The following SH2D3C variants were observed in gnomAD, a reference collection of about 807,000 sequenced individuals.
The protein encoded by SH2D3C is SH2 domain containing 3C.
SH2D3C carries 25 observed loss-of-function variants against 75.2 expected under a neutral mutation model. That is an observed-to-expected ratio of 0.33 (90% CI 0.24 to 0.46). The LOEUF is 0.46. SH2D3C is among the 20% of genes least tolerant of loss of function. The pLI, the probability that SH2D3C is intolerant of heterozygous loss-of-function variation, is 1.00. For synonymous variants in SH2D3C, 450 were observed against 473.7 expected (o/e 0.95, Z 0.65); for missense variants, 933 against 1,165.3 (o/e 0.80, Z 2.90).
intron 3 of SH2D3C, among the ~76,000 whole-genome samples, chr9:127,753,709 C>A (rs764983338): frequency 2.0e-5 from 3 of 152,222 alleles, no homozygotes; most frequent in Non-Finnish European, 4.4e-5. Context: ...TCATATCACA[C>A]CAAACCCTGG....
At position 127,747,239 on chromosome 9, in the gene SH2D3C, C is replaced by T. The variant is rs374525455; in HGVS notation, c.1172G>A (p.Arg391His). Residue 391 changes from arginine to histidine, a missense_variant, in exon 6 of 12, where the codon CGC (arginine) becomes CAC (histidine). Physicochemically the swap from Arg to His is conservative, Grantham distance 29. Transcript: ENST00000314830. ...CTGGTCCATGCTGAGGGCACAGCTG[C>T]GGATGGAGTCCCGAGGGCGGGGCAG... ...TSLPRPRDSI[R>H]SCALSMDQIP... The T allele has an allele frequency of 1.0e-4, 166 of 1,613,562 alleles. No homozygotes were observed. Among genetic ancestry groups the T allele is most frequent in the Middle Eastern group, 8.3e-4 (5 of 6,002 alleles).
chr9:127,773,891 C>T (rs983152009), intron 2 of SH2D3C, 99 bp downstream of exon 2: 13 of 719,584 alleles, frequency 1.8e-5, no homozygotes, highest in Admixed American at 1.1e-4. Flanking sequence ...GCACTCCAGC[C>T]TGAGAGACAG....
Position 127,754,752 on chromosome 9 carries a change from A to G in SH2D3C, c.556-3452T>C. ...CCGCAAGGGCCAGCGTACCAGGCGG[A>G]GGACCGGCAGGACGCCGGAGACCCC... is the stretch of plus-strand genomic sequence containing the variant. On this transcript the variant is annotated intron_variant, in intron 3 of 11. Coordinates refer to ENST00000314830, the MANE Select transcript of SH2D3C (RefSeq NM_170600.3). This position sits in a 1 kb window ranked among gnomAD's most constrained non-coding sequence, Gnocchi z 4.4. 2.2e-6 allele frequency: 1 copy of G among 462,480 alleles called. No homozygotes were observed. Among genetic ancestry groups the G allele is most frequent in the African/African-American group, 2.0e-5 (1 of 49,834 alleles). 28.6% of individuals were successfully genotyped at this position (462,480 alleles called of 1,614,324 possible).
Position 127,754,923 on chromosome 9 carries a change from T to C in SH2D3C, c.556-3623A>G, listed in dbSNP as rs1845321891. 1 of 517,324 alleles carries C rather than the reference T, an allele frequency of 1.9e-6. No homozygotes were observed. The highest frequency in any genetic ancestry group is 3.8e-6 in the Non-Finnish European group (1 of 265,582). The allele number at this position is 517,324 out of a possible 1,614,324, so 32.0% of individuals were successfully genotyped here. A position where few individuals can be genotyped will look rare whatever the true frequency, so the allele number is the denominator to read the frequency against. On this transcript the variant is annotated intron_variant, in intron 3 of 11. Transcript: ENST00000314830. The surrounding 1 kb of genome is among the most constrained non-coding windows in gnomAD (Gnocchi z 4.4). ...TGGGCGCCCAGAGGTGAGGCTGGGGTGACCCCGCCCCCTCCCCGGGTCGGC... is the reference window on the plus strand; with the variant it reads ...TGGGCGCCCAGAGGTGAGGCTGGGGCGACCCCGCCCCCTCCCCGGGTCGGC...
At chr9:127,777,975 T>G (rs1409895586) in intron 1 of SH2D3C, among the ~76,000 whole-genome samples, 1 of 151,920 alleles carries the variant, frequency 6.6e-6, no homozygotes, top group East Asian at 1.9e-4. Flanking sequence ...AAAATCAGTT[T>G]TATTTTACTT....
intron 7 of SH2D3C, among the ~76,000 whole-genome samples, chr9:127,744,072 C>CT (rs34636940): frequency 0.54 from 62,395 of 114,508 alleles, 18,082 homozygotes; most frequent in South Asian, 0.6. Flanking sequence ...ATCTTATGTG[C>CT]TTTTTTTTTT....
Position 127,751,255 on chromosome 9 carries a change from G to A in SH2D3C, c.601C>T (p.His201Tyr), listed in dbSNP as rs1177958298. The change falls in exon 4 of 12, where the codon CAC (histidine) becomes TAC (tyrosine). Residue 201 changes from histidine (H) to tyrosine (Y), a missense_variant. His to Tyr is a moderately conservative substitution (Grantham distance 83). Coordinates refer to ENST00000314830, the MANE Select transcript of SH2D3C (RefSeq NM_170600.3). The surrounding 1 kb of genome is among the most constrained non-coding windows in gnomAD (Gnocchi z 4.1). ...TTGAGCTCCTCCTCCAATTCCTTGT[G>A]GAGTTTCTCTGGCGATGAGTCCAGG... ...YILDSSPEKL[H>Y]KELEEELKLS... 2.4e-5 allele frequency: 38 copies of A among 1,613,720 alleles called. No individual in the cohort carries two copies. Among genetic ancestry groups the A allele is most frequent in the Non-Finnish European group, 3.2e-5 (38 of 1,179,708 alleles).
In SH2D3C at chr9:127,751,152, C is replaced by T. The variant is rs1428250159; in HGVS notation, c.684+20G>A. 1 of 1,612,292 alleles carries T rather than the reference C, an allele frequency of 6.2e-7. No individual in the cohort carries two copies. The highest frequency in any genetic ancestry group is 8.5e-7 in the Non-Finnish European group (1 of 1,179,660). On this transcript the variant is annotated intron_variant, in intron 4 of 11. Transcript: ENST00000314830. This position sits in a 1 kb window ranked among gnomAD's most constrained non-coding sequence, Gnocchi z 4.1. ...GGGTGGGAGGGTCCCGGGTTGAAGTCCAGCTCGGGGCCTACTCACCTCTCG... is the reference window on the plus strand; with the variant it reads ...GGGTGGGAGGGTCCCGGGTTGAAGTTCAGCTCGGGGCCTACTCACCTCTCG...
At position 127,738,738 on chromosome 9, in the gene SH2D3C, C is replaced by T. The variant is rs912724522; in HGVS notation, c.*8G>A. The T allele has an allele frequency of 1.9e-6, 3 of 1,586,424 alleles. No individual in the cohort carries two copies. The African/African-American group carries it at 4.0e-5, about 21-fold the overall frequency. Reference sequence around the variant, plus strand: ...GTCCGCAGCTGCAGAGGGGAAATGTCCCTGGGGTCACAGCTCGCTGGAGCG... The same window carrying T: ...GTCCGCAGCTGCAGAGGGGAAATGTTCCTGGGGTCACAGCTCGCTGGAGCG... On this transcript the variant is annotated 3_prime_UTR_variant, in exon 12 of 12. Transcript: ENST00000314830. This position sits in a 1 kb window ranked among gnomAD's most constrained non-coding sequence, Gnocchi z 5.0.
At position 127,755,305 on chromosome 9, in the gene SH2D3C, G is replaced by A. The variant is rs1016035198; in HGVS notation, c.556-4005C>T. The A allele has an allele frequency of 9.8e-4, 963 of 985,888 alleles. 13 individuals carry two copies. The highest frequency in any genetic ancestry group is 1.2e-3 in the Non-Finnish European group (921 of 795,940). 61.1% of individuals were successfully genotyped at this position (985,888 alleles called of 1,614,324 possible). A position where few individuals can be genotyped will look rare whatever the true frequency, so the allele number is the denominator to read the frequency against. ...ATCGCCTTGTCGGGGGAGGAGCGGG[G>A]AGGCGGGGCGGGGAGACCCCACCCT... is the stretch of plus-strand genomic sequence containing the variant. On this transcript the variant is annotated intron_variant, in intron 3 of 11. Transcript: ENST00000314830.
intron 2 of SH2D3C, among the ~76,000 whole-genome samples, chr9:127,763,507 CAAG>C (rs1845576527): frequency 6.6e-6 from 1 of 152,054 alleles, no homozygotes; most frequent in Non-Finnish European, 1.5e-5. Context: ...CACTTGAACC[CAAG>C]AAGAAGAGGT....
chr9:127,742,740 G>A, intron 8 of SH2D3C, 109 bp downstream of exon 8: 2 of 727,410 alleles, frequency 2.7e-6, no homozygotes, highest in South Asian at 3.7e-5. Flanking sequence ...CGTGGCCAGA[G>A]CCCCCTGGGA....
intron 2 of SH2D3C, among the ~76,000 whole-genome samples, chr9:127,765,152 G>A (rs1243816572): frequency 6.6e-6 from 1 of 152,110 alleles, no homozygotes; most frequent in African/African-American, 2.4e-5. Flanking sequence ...GGGATTACAG[G>A]TGTGAGCGAC....
chr9:127,777,303 C>T (rs1436753664), intron 1 of SH2D3C, among the ~76,000 whole-genome samples: 2 of 152,132 alleles, frequency 1.3e-5, no homozygotes, highest in African/African-American at 4.8e-5. Flanking sequence ...TGTGGCCCCT[C>T]ACCGTGGAGC....
intron 8 of SH2D3C, among the ~76,000 whole-genome samples, chr9:127,742,505 G>A (rs546993812): frequency 1.9e-4 from 29 of 152,330 alleles, no homozygotes; most frequent in Non-Finnish European, 3.5e-4. Context: ...CCAAAATGCT[G>A]GGATTACAGG....
In SH2D3C at chr9:127,740,115, A is replaced by C. The variant is rs1010510222; in HGVS notation, c.2200+143T>G. 3 of 783,430 alleles carry C rather than the reference A, an allele frequency of 3.8e-6. No individual in the cohort carries two copies. In the African/African-American group the frequency reaches 5.2e-5, roughly 14 times the overall value. 48.5% of individuals were successfully genotyped at this position (783,430 alleles called of 1,614,324 possible). ...CTGAGCCTGGACATGAACAGGGCTG[A>C]CACAGCTGCCAGCAGGAACAGTGAG... On this transcript the variant is annotated intron_variant, in intron 10 of 11. Transcript: ENST00000314830.
chr9:127,770,343 C>CT (rs1469357127), intron 2 of SH2D3C, among the ~76,000 whole-genome samples: 1 of 152,164 alleles, frequency 6.6e-6, no homozygotes. Context: ...ATGGCCTCCT[C>CT]TAGACACTCA....
In SH2D3C at chr9:127,774,344, T is replaced by C. The variant is rs1327761563; in HGVS notation, c.161A>G (p.Gln54Arg). Residue 54 changes from glutamine (Q) to arginine (R), a missense_variant, in exon 2 of 12, where the codon CAG becomes CGG. Gln to Arg is a conservative substitution (Grantham distance 43, BLOSUM62 1). Transcript: ENST00000314830. The surrounding 1 kb of genome is among the most constrained non-coding windows in gnomAD (Gnocchi z 4.3). ...HLEPDTFEAT[Q>R]DDMVTVPKSP... The stretch of plus-strand genomic sequence containing the variant: ...CTTGGGCACCGTCACCATGTCATCC[T>C]GCGTGGCTTCAAAGGTGTCAGGCTC... 1.1e-5 allele frequency: 18 copies of C among 1,613,920 alleles called. No individual in the cohort carries two copies. Among genetic ancestry groups the C allele is most frequent in the Non-Finnish European group, 1.5e-5 (18 of 1,179,906 alleles).
intron 2 of SH2D3C, chr9:127,762,235 G>C: frequency 8.3e-7 from 1 of 1,208,734 alleles, no homozygotes; most frequent in Non-Finnish European, 1.1e-6. Flanking sequence ...AGGGTGGAGA[G>C]CCTGGAGAGG....
Sources: allele counts gnomAD v4.1 joint callset (sites outside exome capture counted in the v4.1 genomes callset), GRCh38; gene constraint gnomAD v4.1.1; non-coding constraint Gnocchi (gnomAD v3.1); transcripts MANE v1.5; gene names NCBI Gene and HGNC (gene_info 2026-07-23, HGNC 2026-07-21).